Variants in MCU observed in about 807,000 individuals in gnomAD.
The protein encoded by MCU is mitochondrial calcium uniporter, also known as calcium uniporter protein, mitochondrial.
Under a neutral mutation model 45.2 loss-of-function variants are expected in MCU, and 12 were observed. The ratio of observed to expected loss-of-function variants is 0.27; its 90% CI spans 0.17 to 0.43. MCU has a LOEUF of 0.43. Ranked by LOEUF, MCU falls within the 20% of genes least tolerant of loss-of-function variation. The pLI, the probability that MCU is intolerant of heterozygous loss-of-function variation, is 1.00. For synonymous variants in MCU, 160 were observed against 165.1 expected (o/e 0.97, Z 0.24); for missense variants, 324 against 436.7 (o/e 0.74, Z 2.30).
At chr10:72,757,313 G>GAC (rs1843592366) in intron 1 of MCU, among the ~76,000 whole-genome samples, 1 of 152,106 alleles carries the variant, frequency 6.6e-6, no homozygotes, top group Non-Finnish European at 1.5e-5. Flanking sequence ...AGGGAGATGT[G>GAC]ACATTATTGT....
chr10:72,828,971 T>C (rs1238195228), intron 1 of MCU, among the ~76,000 whole-genome samples: 1 of 152,210 alleles, frequency 6.6e-6, no homozygotes, highest in East Asian at 1.9e-4. Flanking sequence ...ATAAACTTGC[T>C]GTTTCTTTTC....
intron 1 of MCU, among the ~76,000 whole-genome samples, chr10:72,779,983 T>C (rs1385573797): frequency 1.3e-5 from 2 of 152,214 alleles, no homozygotes; most frequent in Non-Finnish European, 2.9e-5. Context: ...CATGTACATA[T>C]GTTCATAGCA....
At chr10:72,838,593 T>C (rs1432576579) in intron 2 of MCU, among the ~76,000 whole-genome samples, 1 of 152,122 alleles carries the variant, frequency 6.6e-6, no homozygotes, top group Non-Finnish European at 1.5e-5. Flanking sequence ...CTTTGACTGC[T>C]CACTGCTCCC....
At chr10:72,815,833 A>G (rs895856185) in intron 1 of MCU, among the ~76,000 whole-genome samples, 2 of 152,222 alleles carry the variant, frequency 1.3e-5, no homozygotes, top group African/African-American at 4.8e-5. Flanking sequence ...CAGAGCTAAT[A>G]TGCCTCAGTG....
At chr10:72,794,389 AT>A (rs1844213694) in intron 1 of MCU, among the ~76,000 whole-genome samples, 1 of 152,132 alleles carries the variant, frequency 6.6e-6, no homozygotes, top group African/African-American at 2.4e-5. Flanking sequence ...TATTTCCTTG[AT>A]TGGGGATCAG....
chr10:72,796,692 TG>T (rs1358853170), intron 1 of MCU, among the ~76,000 whole-genome samples: 26 of 114,806 alleles, frequency 2.3e-4, no homozygotes, highest in African/African-American at 6.5e-4. Context: ...TTTTAGTTTT[TG>T]TTTTTTTTTT....
chr10:72,852,296 A>ATAG (rs1845219116), intron 2 of MCU, among the ~76,000 whole-genome samples: 1 of 152,242 alleles, frequency 6.6e-6, no homozygotes. Context: ...CAGACTTTAG[A>ATAG]TAGTACATGC....
intron 5 of MCU, among the ~76,000 whole-genome samples, chr10:72,870,651 C>T (rs1039911998): frequency 7.9e-5 from 12 of 152,322 alleles, no homozygotes; most frequent in East Asian, 7.7e-4. Context: ...TGCAGATCAT[C>T]GCTCTGAATT....
At chr10:72,871,279 T>C in intron 5 of MCU, 98 bp from the exon 6 acceptor site, 2 of 1,048,918 alleles carry the variant, frequency 1.9e-6, no homozygotes, top group Non-Finnish European at 2.9e-6. Context: ...ACTTGTGTCT[T>C]GATGATGAGC....
At chr10:72,767,670 C>T (rs1386096971) in intron 1 of MCU, among the ~76,000 whole-genome samples, 1 of 151,890 alleles carries the variant, frequency 6.6e-6, no homozygotes, top group African/African-American at 2.4e-5. Context: ...CTTGTCTCTG[C>T]GTGTTAGGTT....
chr10:72,822,079 C>T (rs1178492286), intron 1 of MCU, among the ~76,000 whole-genome samples: 1 of 152,132 alleles, frequency 6.6e-6, no homozygotes, highest in African/African-American at 2.4e-5. Flanking sequence ...AGTTCAAGAC[C>T]AGCCTGGCCA....
chr10:72,726,016 T>C (rs1370120351), intron 1 of MCU, among the ~76,000 whole-genome samples: 3 of 152,218 alleles, frequency 2.0e-5, no homozygotes, highest in East Asian at 3.8e-4. Flanking sequence ...ATGTCGTATA[T>C]ATATCCTTCC....
At chr10:72,782,348 T>G (rs1010719840) in intron 1 of MCU, among the ~76,000 whole-genome samples, 1 of 152,180 alleles carries the variant, frequency 6.6e-6, no homozygotes, top group African/African-American at 2.4e-5. Context: ...AACTCGTACA[T>G]AATCCTTAAA....
chr10:72,796,937 T>A (rs1029478422), intron 1 of MCU, among the ~76,000 whole-genome samples: 16 of 152,148 alleles, frequency 1.1e-4, no homozygotes, highest in African/African-American at 7.2e-5. Context: ...TAAGGATTTT[T>A]AAAAAATTTT....
intron 1 of MCU, chr10:72,760,701 A>AT (rs995677860): frequency 1.9e-4 from 23 of 123,638 alleles, no homozygotes; most frequent in African/African-American, 3.5e-4. Flanking sequence ...GGTTACTTAA[A>AT]TTTTTTTTTT....
chr10:72,793,660 G>A (rs1007419238), intron 1 of MCU, among the ~76,000 whole-genome samples: 14 of 151,926 alleles, frequency 9.2e-5, no homozygotes, highest in African/African-American at 3.1e-4. Context: ...AGATCTAACC[G>A]AGGCTGACTA....
intron 6 of MCU, among the ~76,000 whole-genome samples, chr10:72,877,069 G>T (rs1296542306): frequency 6.6e-6 from 1 of 151,986 alleles, no homozygotes; most frequent in African/African-American, 2.4e-5. Flanking sequence ...CCATAGGCAT[G>T]TGCCACCATG....
intron 1 of MCU, among the ~76,000 whole-genome samples, chr10:72,738,105 A>G (rs1843276307): frequency 6.6e-6 from 1 of 152,244 alleles, no homozygotes; most frequent in Non-Finnish European, 1.5e-5. Context: ...ACAGAGTTAC[A>G]GTCTAAGTAA....
rs545128750 is a variant in MCU, at chr10:72,702,094, T to A, written c.150+9793T>A. Among the ~76,000 whole-genome samples the A allele has an allele frequency of 2.7e-5, 4 of 150,086 alleles. No individual in the cohort carries two copies. The South Asian group carries it at 8.5e-4, about 32-fold the overall frequency. ...ATCTCTATTAAAAATACAAAAAAAA[T>A]TAGCCAGTCATGGTTGGGGGGGAGG... On this transcript the variant is annotated intron_variant, in intron 1 of 7. Coordinates refer to ENST00000373053, the MANE Select transcript of MCU (RefSeq NM_138357.3).
Sources: gnomAD v4.1 joint callset for allele counts (sites outside exome capture counted in the v4.1 genomes callset) on GRCh38, gnomAD v4.1.1 for gene constraint, MANE v1.5 for transcripts, NCBI Gene and HGNC (gene_info 2026-07-23, HGNC 2026-07-21) for gene names.